SLC24A2: variants seen among roughly 807,000 people sequenced by gnomAD.
The protein encoded by SLC24A2 is sodium/potassium/calcium exchanger 2.
A neutral mutation model predicts 62.0 loss-of-function variants in SLC24A2; 36 were observed. The ratio of observed to expected loss-of-function variants is 0.58; its 90% CI spans 0.44 to 0.77. The LOEUF is 0.77. SLC24A2 is among the 30% of genes least tolerant of loss of function. The pLI, the probability that SLC24A2 is intolerant of heterozygous loss-of-function variation, is 0.00. For missense variants in SLC24A2, 846 were observed against 817.9 expected (o/e 1.03, Z -0.42); for synonymous variants, 358 against 294.0 (o/e 1.22, Z -2.23).
At chr9:19,695,840 A>G (rs1820176115) in intron 2 of SLC24A2, among the ~76,000 whole-genome samples, 1 of 152,164 alleles carries the variant, frequency 6.6e-6, no homozygotes, top group Non-Finnish European at 1.5e-5. Flanking sequence ...CTTCATAAAT[A>G]TAATATTGAC....
At chr9:20,037,882 C>T in the SLC24A2 span, among the ~76,000 whole-genome samples, 305 of 152,212 alleles carry the variant, frequency 2.0e-3, 1 homozygote, top group African/African-American at 7.2e-3. Context: ...TAAGGGCCAG[C>T]CCCAAATGTC....
intron 2 of SLC24A2, among the ~76,000 whole-genome samples, chr9:19,723,806 T>A (rs537560490): frequency 1.3e-5 from 2 of 151,996 alleles, no homozygotes; most frequent in African/African-American, 4.8e-5. Context: ...ACTCAAAAAG[T>A]TTTTTTCTAC....
At chr9:19,534,704 C>T (rs947046591) in intron 8 of SLC24A2, among the ~76,000 whole-genome samples, 2 of 152,162 alleles carry the variant, frequency 1.3e-5, no homozygotes, top group African/African-American at 2.4e-5. Context: ...TTTTTTATGG[C>T]TGCATAATAC....
At chr9:19,934,232 T>G in the SLC24A2 span, among the ~76,000 whole-genome samples, 1 of 152,216 alleles carries the variant, frequency 6.6e-6, no homozygotes, top group Non-Finnish European at 1.5e-5. This position sits in a 1 kb window ranked among gnomAD's most constrained non-coding sequence, Gnocchi z 4.1. Flanking sequence ...TCTGCACTTA[T>G]TAGGGCAGTT....
At chr9:19,587,099 G>C (rs1234752654) in intron 5 of SLC24A2, among the ~76,000 whole-genome samples, 1 of 152,128 alleles carries the variant, frequency 6.6e-6, no homozygotes, top group African/African-American at 2.4e-5. Context: ...CCCATATTTT[G>C]GGTATGTGTC....
At chr9:20,093,438 G>C in the SLC24A2 span, among the ~76,000 whole-genome samples, 1 of 151,622 alleles carries the variant, frequency 6.6e-6, no homozygotes, top group Non-Finnish European at 1.5e-5. Context: ...ACTCTTTTTT[G>C]TCTGTCTCTT....
chr9:20,134,024 C>T, the SLC24A2 span, among the ~76,000 whole-genome samples: 2,035 of 152,172 alleles, frequency 0.013, 56 homozygotes, highest in African/African-American at 0.046. Flanking sequence ...AGGAGCAGAC[C>T]ATGGAGGACA....
At chr9:20,168,179 T>C in the SLC24A2 span, among the ~76,000 whole-genome samples, 109 of 152,158 alleles carry the variant, frequency 7.2e-4, 2 homozygotes, top group South Asian at 0.021. Flanking sequence ...TAGATAGTTA[T>C]AGAGGATTGA....
chr9:20,291,467 A>T, the SLC24A2 span, among the ~76,000 whole-genome samples: 2 of 152,192 alleles, frequency 1.3e-5, no homozygotes, highest in Non-Finnish European at 2.9e-5. Flanking sequence ...CTTTAAGTGG[A>T]TGCAAGAGAT....
intron 4 of SLC24A2, among the ~76,000 whole-genome samples, chr9:19,617,099 A>G (rs1282309238): frequency 6.6e-6 from 1 of 152,084 alleles, no homozygotes; most frequent in Non-Finnish European, 1.5e-5. Flanking sequence ...GGGGAAGACA[A>G]TTTTTCCATG....
At chr9:20,100,178 T>TTGTGTGTGTG in the SLC24A2 span, among the ~76,000 whole-genome samples, 1 of 151,392 alleles carries the variant, frequency 6.6e-6, no homozygotes, top group Non-Finnish European at 1.5e-5. Flanking sequence ...GGCTAACTTT[T>TTGTGTGTGTG]TGTGTGTGTG....
At chr9:19,926,497 T>C in the SLC24A2 span, 1 of 152,080 alleles carries the variant, frequency 6.6e-6, no homozygotes, top group Admixed American at 6.5e-5. Flanking sequence ...ATCCAATCAG[T>C]GTCCAGGTGT....
At chr9:19,889,704 G>C in the SLC24A2 span, among the ~76,000 whole-genome samples, 1 of 152,040 alleles carries the variant, frequency 6.6e-6, no homozygotes, top group Non-Finnish European at 1.5e-5. Context: ...TGAATTGATG[G>C]CCCTGGCATC....
chr9:19,985,614 T>A, the SLC24A2 span, among the ~76,000 whole-genome samples: 1 of 152,142 alleles, frequency 6.6e-6, no homozygotes, highest in East Asian at 1.9e-4. Flanking sequence ...CAAGGGAATG[T>A]TTAATGAGTA....
the SLC24A2 span, among the ~76,000 whole-genome samples, chr9:19,867,089 GA>G: frequency 6.6e-6 from 1 of 152,062 alleles, no homozygotes; most frequent in Non-Finnish European, 1.5e-5. Context: ...TAATACAAAG[GA>G]AAAATTCTTG....
At chr9:19,893,210 G>A in the SLC24A2 span, among the ~76,000 whole-genome samples, 1 of 152,182 alleles carries the variant, frequency 6.6e-6, no homozygotes, top group African/African-American at 2.4e-5. Context: ...TGAAAGATAT[G>A]AGATTGCTTT....
At chr9:20,027,554 A>G in the SLC24A2 span, among the ~76,000 whole-genome samples, 1 of 152,164 alleles carries the variant, frequency 6.6e-6, no homozygotes, top group African/African-American at 2.4e-5. Flanking sequence ...CAAATCCAGA[A>G]AGATAAATAC....
intron 2 of SLC24A2, among the ~76,000 whole-genome samples, chr9:19,643,265 ATC>A (rs1399722026): frequency 5.9e-5 from 9 of 152,150 alleles, no homozygotes; most frequent in Non-Finnish European, 1.2e-4. Flanking sequence ...ATTACGTATA[ATC>A]TCTCTTTCCC....
the SLC24A2 span, among the ~76,000 whole-genome samples, chr9:19,822,725 G>A: frequency 1.3e-5 from 2 of 152,076 alleles, no homozygotes; most frequent in Non-Finnish European, 2.9e-5. Flanking sequence ...TAAGTTTATG[G>A]GCTCAGAATT....
Sources: gnomAD v4.1 joint callset for allele counts (sites outside exome capture counted in the v4.1 genomes callset) on GRCh38, gnomAD v4.1.1 for gene constraint, Gnocchi (gnomAD v3.1) non-coding constraint, MANE v1.5 for transcripts, NCBI Gene and HGNC (gene_info 2026-07-23, HGNC 2026-07-21) for gene names.